The following RELL1 variants were observed in gnomAD, a reference collection of about 807,000 sequenced individuals.
RELL1 encodes RELT like 1, also known as RELT-like protein 1.
A neutral mutation model predicts 23.0 loss-of-function variants in RELL1; 10 were observed. That is an observed-to-expected ratio of 0.43 (90% CI 0.27 to 0.74). RELL1 has a LOEUF of 0.74. RELL1 is among the 30% of genes least tolerant of loss of function. RELL1 has a pLI of 0.19. For missense variants in RELL1, 315 were observed against 364.4 expected, an observed-to-expected ratio of 0.86 and a Z score of 1.10; for synonymous variants, 146 against 146.8, an observed-to-expected ratio of 0.99 and a Z score of 0.04.
rs1294915070 is a variant in RELL1, at chr4:37,612,191, A to G, written c.*1155T>C. Among the ~76,000 whole-genome samples the G allele has an allele frequency of 2.0e-5, 3 of 150,376 alleles. No homozygotes were observed. The highest frequency in any genetic ancestry group is 2.4e-5 in the African/African-American group (1 of 40,906). On this transcript the variant is annotated 3_prime_UTR_variant, in exon 7 of 7. Transcript: ENST00000454158. ...GACTCCGCCTCAAAAAAAAAAAAAA[A>G]AAAAAAAAAAGAGAGAAGCAGGGTT...
chr4:37,659,297 A>G (rs962942521), intron 1 of RELL1, among the ~76,000 whole-genome samples: 11 of 152,254 alleles, frequency 7.2e-5, no homozygotes, highest in African/African-American at 2.7e-4. Flanking sequence ...AGATTACAAA[A>G]GAAAACGTGA....
At chr4:37,606,413 G>A (rs1295698126), downstream of RELL1, among the ~76,000 whole-genome samples, 1 of 152,178 alleles carries the variant, frequency 6.6e-6, no homozygotes, top group Non-Finnish European at 1.5e-5. This position sits in a 1 kb window ranked among gnomAD's most constrained non-coding sequence, Gnocchi z 4.1. Context: ...CACAAGACCT[G>A]TTGATGTTGA....
intron 6 of RELL1, among the ~76,000 whole-genome samples, chr4:37,621,022 T>C (rs1471514447): frequency 6.6e-6 from 1 of 152,158 alleles, no homozygotes; most frequent in Non-Finnish European, 1.5e-5. Flanking sequence ...ACAGCCAAGA[T>C]CTTGAGCGCA....
At chr4:37,619,285 C>T (rs923778135) in intron 6 of RELL1, among the ~76,000 whole-genome samples, 1 of 151,512 alleles carries the variant, frequency 6.6e-6, no homozygotes, top group East Asian at 2.0e-4. Context: ...CAAGTTCGAG[C>T]GATTCTCCTG....
Position 37,649,281 on chromosome 4 carries a change from T to A in RELL1, c.308A>T (p.Lys103Met). The A allele has an allele frequency of 6.2e-7, 1 of 1,613,486 alleles. No homozygotes were observed. Among genetic ancestry groups the A allele is most frequent in the Non-Finnish European group, 8.5e-7 (1 of 1,179,562 alleles). ...AAAGAGCCCTGGTTATTTACCTATC[T>A]TTTCAACCTTTTCCTCTTCGATATC... Reference protein sequence around the residue: ...EQDIEEEKVEKIELNDSVNEN... With the variant: ...EQDIEEEKVEMIELNDSVNEN... The change falls in exon 2 of 7, where the codon AAG (lysine) becomes ATG (methionine). Residue 103 changes from lysine (K) to methionine (M), a missense_variant. Coordinates refer to ENST00000454158, the MANE Select transcript of RELL1 (RefSeq NM_001085400.2).
At chr4:37,640,747 ATT>A (rs5857577) in intron 3 of RELL1, among the ~76,000 whole-genome samples, 21 of 151,288 alleles carry the variant, frequency 1.4e-4, no homozygotes, top group African/African-American at 3.6e-4. Flanking sequence ...GCAACCATCC[ATT>A]TTTTTTTTCT....
intron 6 of RELL1, among the ~76,000 whole-genome samples, chr4:37,628,031 T>TG (rs1560335278): frequency 6.6e-6 from 1 of 152,178 alleles, no homozygotes; most frequent in South Asian, 2.1e-4. Context: ...ATACTTTTTT[T>TG]GGGGGGATGA....
At chr4:37,669,540 A>T (rs1400529920) in intron 1 of RELL1, among the ~76,000 whole-genome samples, 5 of 151,992 alleles carry the variant, frequency 3.3e-5, no homozygotes. Context: ...TGTACCCAAC[A>T]GCTCATTGAG....
chr4:37,628,659 C>T (rs1173902018), intron 6 of RELL1, among the ~76,000 whole-genome samples: 1 of 152,164 alleles, frequency 6.6e-6, no homozygotes, highest in African/African-American at 2.4e-5. Flanking sequence ...ATATGACTAC[C>T]TTCTACTGAG....
chr4:37,673,020 G>T (rs1236431976), intron 1 of RELL1, among the ~76,000 whole-genome samples: 1 of 152,050 alleles, frequency 6.6e-6, no homozygotes, highest in Non-Finnish European at 1.5e-5. Context: ...GACCATGTGT[G>T]GTGGCTCATG....
intron 1 of RELL1, among the ~76,000 whole-genome samples, chr4:37,662,767 A>T (rs1038714260): frequency 4.1e-5 from 6 of 146,730 alleles, no homozygotes; most frequent in Non-Finnish European, 1.5e-5. Context: ...AGCCACCCCC[A>T]TCCCCCCATC....
chr4:37,633,439 A>C (rs1720212539), intron 5 of RELL1, among the ~76,000 whole-genome samples: 1 of 126,872 alleles, frequency 7.9e-6, no homozygotes, highest in African/African-American at 3.1e-5. Flanking sequence ...AAAAAAAAAA[A>C]AAAAAAAGGC....
rs116423202 is a variant in RELL1, at chr4:37,617,907, G to C, written c.*4-4565C>G. ...TTGCAGAGGGCTCTTGTAATGATGA[G>C]ATGAATGCCATATTATCACACCTGT... is the stretch of plus-strand genomic sequence containing the variant. On this transcript the variant is annotated intron_variant, in intron 6 of 6. Transcript: ENST00000454158. Among the ~76,000 whole-genome samples, 937 of 152,320 alleles carry C rather than the reference G, an allele frequency of 6.2e-3. 15 individuals are homozygous for C. The highest frequency in any genetic ancestry group is 8.5e-3 in the South Asian group (41 of 4,816).
chr4:37,684,712 G>C (rs972014746), intron 1 of RELL1, among the ~76,000 whole-genome samples: 1 of 152,176 alleles, frequency 6.6e-6, no homozygotes. Flanking sequence ...CAGCACTTTG[G>C]GAGGCCGAGG....
At position 37,613,276 on chromosome 4, in the gene RELL1, A is replaced by T. The variant is rs921902078; in HGVS notation, c.*70T>A. On this transcript the variant is annotated 3_prime_UTR_variant, in exon 7 of 7. Coordinates refer to ENST00000454158, the MANE Select transcript of RELL1 (RefSeq NM_001085400.2). ...ATGATAGAAACTGTATAAAATATAT[A>T]AAAATATTCCCAAGGCAACTTCATA... is the stretch of plus-strand genomic sequence containing the variant. 2.0e-5 allele frequency: 3 copies of T among 152,242 alleles called. No individual in the cohort carries two copies. The South Asian group carries it at 6.2e-4, about 31-fold the overall frequency. 9.4% of individuals were successfully genotyped at this position (152,242 alleles called of 1,614,324 possible).
intron 1 of RELL1, among the ~76,000 whole-genome samples, chr4:37,654,415 G>A (rs890102459): frequency 3.3e-5 from 5 of 152,160 alleles, no homozygotes; most frequent in African/African-American, 1.2e-4. Flanking sequence ...AAGATGCAGA[G>A]TGGAGAATAT....
intron 1 of RELL1, among the ~76,000 whole-genome samples, chr4:37,668,953 TGA>T (rs1410662080): frequency 2.7e-5 from 4 of 149,762 alleles, no homozygotes; most frequent in Non-Finnish European, 5.9e-5. Flanking sequence ...CCGCCCTGTC[TGA>T]GAGGTGAGGA....
exon 7 of RELL1, chr4:37,590,860 T>A: frequency 1.2e-6 from 2 of 1,614,188 alleles, no homozygotes; most frequent in East Asian, 2.2e-5. Context: ...TGTGGTTGAC[T>A]CAGGAAACAG....
chr4:37,601,378 C>A (rs1719012232), intron 6 of RELL1, among the ~76,000 whole-genome samples: 1 of 152,150 alleles, frequency 6.6e-6, no homozygotes, highest in South Asian at 2.1e-4. Context: ...CTGTGCCTGG[C>A]CTGTACTAAG....
Sources: gnomAD v4.1 joint callset for allele counts (sites outside exome capture counted in the v4.1 genomes callset) on GRCh38, gnomAD v4.1.1 for gene constraint, Gnocchi (gnomAD v3.1) non-coding constraint, MANE v1.5 for transcripts, NCBI Gene and HGNC (gene_info 2026-07-23, HGNC 2026-07-21) for gene names.